MVB12B: variants seen among roughly 807,000 people sequenced by gnomAD.
MVB12B encodes multivesicular body subunit 12B, also known as ESCRT-I complex subunit MVB12B.
In MVB12B, 16 loss-of-function variants were observed where a neutral mutation model predicts 41.6. That is an observed-to-expected ratio of 0.38 (90% confidence interval 0.26 to 0.58). The LOEUF (loss-of-function observed/expected upper bound fraction) is 0.58, where lower values mean the gene tolerates loss of function less well. Among genes scored for constraint, MVB12B ranks in the 20% least tolerant of loss-of-function variants. The pLI is 0.62. For missense variants in MVB12B, 274 were observed against 380.2 expected (o/e 0.72, Z 2.32); for synonymous variants, 133 against 139.7 (o/e 0.95, Z 0.34).
intron 6 of MVB12B, among the ~76,000 whole-genome samples, chr9:126,415,844 A>G (rs1156818001): frequency 1.3e-5 from 2 of 152,182 alleles, no homozygotes; most frequent in Non-Finnish European, 2.9e-5. Flanking sequence ...AGGGCGCCAC[A>G]GGGAGGAGGC....
chr9:126,460,120 G>A (rs1019182571), intron 7 of MVB12B, among the ~76,000 whole-genome samples: 2 of 152,092 alleles, frequency 1.3e-5, no homozygotes, highest in Non-Finnish European at 2.9e-5. Context: ...TGTGCTCCCT[G>A]GCCGCTGGGC....
chr9:126,332,353 C>T (rs1262448129), intron 1 of MVB12B, among the ~76,000 whole-genome samples: 2 of 152,180 alleles, frequency 1.3e-5, no homozygotes, highest in East Asian at 1.9e-4. Context: ...GCTGTGCACT[C>T]TCCAGTCTCA....
intron 9 of MVB12B, among the ~76,000 whole-genome samples, chr9:126,488,798 C>T (rs1833673915): frequency 6.6e-6 from 1 of 152,250 alleles, no homozygotes; most frequent in Non-Finnish European, 1.5e-5. Flanking sequence ...CCAGCGTTAA[C>T]TGTCCTCACC....
At chr9:126,418,110 C>T in intron 6 of MVB12B, among the ~76,000 whole-genome samples, 1 of 151,098 alleles carries the variant, frequency 6.6e-6, no homozygotes, top group Non-Finnish European at 1.5e-5. Flanking sequence ...ACAGCTAAGC[C>T]AGCACCCTTG....
At chr9:126,402,578 G>T (rs745850353) in intron 6 of MVB12B, among the ~76,000 whole-genome samples, 1 of 152,290 alleles carries the variant, frequency 6.6e-6, no homozygotes, top group Admixed American at 6.5e-5. Flanking sequence ...GGAAATCAAG[G>T]CTGCAGTGAG....
At chr9:126,487,893 G>C (rs759641152) in intron 9 of MVB12B, among the ~76,000 whole-genome samples, 5 of 152,190 alleles carry the variant, frequency 3.3e-5, no homozygotes, top group Non-Finnish European at 7.3e-5. Context: ...ACCATAACAA[G>C]TATCGCTGCA....
chr9:126,468,928 G>A lies in MVB12B; in HGVS notation c.758-12441G>A, dbSNP rs1833256691. 6.6e-6 allele frequency among the ~76,000 whole-genome samples: 1 copy of A among 152,222 alleles called. No homozygotes were observed. The highest frequency in any genetic ancestry group is 2.1e-4 in the South Asian group (1 of 4,830). ...GAGACACAGAGCTCTAAGAATTGAT[G>A]TGGAAACACAGTCAATTGAAAAAAA... On this transcript the variant is annotated intron_variant, in intron 7 of 9. Coordinates refer to ENST00000361171, the MANE Select transcript of MVB12B (RefSeq NM_033446.3). The surrounding 1 kb of genome is among the most constrained non-coding windows in gnomAD (Gnocchi z 4.3).
intron 2 of MVB12B, among the ~76,000 whole-genome samples, chr9:126,343,537 A>G (rs1362022705): frequency 6.6e-6 from 1 of 152,238 alleles, no homozygotes; most frequent in Non-Finnish European, 1.5e-5. Context: ...AAGGGCATCA[A>G]GCTGGACATT....
rs961244116 is a variant in MVB12B, at chr9:126,453,454, G to T, written c.758-27915G>T. Among the ~76,000 whole-genome samples the T allele has an allele frequency of 2.0e-5, 3 of 152,286 alleles. No homozygotes were observed. In the South Asian group the frequency reaches 6.2e-4, roughly 32 times the overall value. ...TCTCCCTTCTCAAGTATGGAGTTTT[G>T]TTTTCATACCTGAGGTTGGAGGTCC... On this transcript the variant is annotated intron_variant, in intron 7 of 9. Transcript: ENST00000361171.
intron 7 of MVB12B, among the ~76,000 whole-genome samples, chr9:126,434,501 G>T (rs975892786): frequency 6.6e-6 from 1 of 152,228 alleles, no homozygotes. Context: ...AGGGAGTAAA[G>T]CTTGCCTCGG....
At chr9:126,443,588 T>C (rs1034955070) in intron 7 of MVB12B, among the ~76,000 whole-genome samples, 3 of 152,348 alleles carry the variant, frequency 2.0e-5, no homozygotes, top group South Asian at 4.1e-4. Context: ...AAAGAAAATA[T>C]CACAACCCCA....
chr9:126,346,025 G>T (rs902894457), intron 2 of MVB12B, among the ~76,000 whole-genome samples: 3 of 152,232 alleles, frequency 2.0e-5, no homozygotes, highest in Admixed American at 6.5e-5. Flanking sequence ...GAGAGATGAG[G>T]ATGGGCAGGT....
chr9:126,409,022 A>G (rs947940204), intron 6 of MVB12B, among the ~76,000 whole-genome samples: 2 of 151,966 alleles, frequency 1.3e-5, no homozygotes, highest in African/African-American at 4.8e-5. Flanking sequence ...CTTGCCTCAA[A>G]TCGGCCTTGT....
At position 126,469,336 on chromosome 9, in the gene MVB12B, G is replaced by A. The variant is rs1034695343; in HGVS notation, c.758-12033G>A. On this transcript the variant is annotated intron_variant, in intron 7 of 9. Coordinates refer to ENST00000361171, the MANE Select transcript of MVB12B (RefSeq NM_033446.3). ...GGATCAGCGGCTCCGGATTCAAGGG[G>A]TGCTTTGACTTAGCTATCCTATTGG... is the stretch of plus-strand genomic sequence containing the variant. Among the ~76,000 whole-genome samples the A allele has an allele frequency of 4.6e-5, 7 of 152,202 alleles. 1 individual carries two copies. In the South Asian group the frequency reaches 1.2e-3, roughly 27 times the overall value.
chr9:126,388,071 A>T (rs1251700577), intron 4 of MVB12B, among the ~76,000 whole-genome samples: 5 of 152,238 alleles, frequency 3.3e-5, no homozygotes, highest in African/African-American at 1.2e-4. Flanking sequence ...TGCACAGTTC[A>T]GTGGCTTTTA....
At chr9:126,400,969 A>G (rs188989200) in intron 6 of MVB12B, among the ~76,000 whole-genome samples, 148 of 152,254 alleles carry the variant, frequency 9.7e-4, no homozygotes, top group South Asian at 6.4e-3. Flanking sequence ...GTTTATGTGA[A>G]CATCCATCCT....
At position 126,468,250 on chromosome 9, in the gene MVB12B, C is replaced by T. The variant is rs1039936558; in HGVS notation, c.758-13119C>T. ...ACCATGCTGGTTACTTCCAAACTCA[C>T]CCTCACATCCCCGCCCGCCAGGCCT... On this transcript the variant is annotated intron_variant, in intron 7 of 9. Transcript: ENST00000361171. The surrounding 1 kb of genome is among the most constrained non-coding windows in gnomAD (Gnocchi z 4.3). Among the ~76,000 whole-genome samples, 2 of 152,170 alleles carry T rather than the reference C, an allele frequency of 1.3e-5. No individual in the cohort carries two copies. Among genetic ancestry groups the T allele is most frequent in the African/African-American group, 4.8e-5 (2 of 41,420 alleles).
At position 126,411,345 on chromosome 9, in the gene MVB12B, G is replaced by A. The variant is rs1292628327; in HGVS notation, c.663-10509G>A. On this transcript the variant is annotated intron_variant, in intron 6 of 9. Coordinates refer to ENST00000361171, the MANE Select transcript of MVB12B (RefSeq NM_033446.3). ...TAAATTCCTAAAGGGGAAGATACACGTTTCATTTGGTTTCTTAAACTGTCT... is the reference window on the plus strand; with the variant it reads ...TAAATTCCTAAAGGGGAAGATACACATTTCATTTGGTTTCTTAAACTGTCT... 2.6e-5 allele frequency among the ~76,000 whole-genome samples: 4 copies of A among 152,258 alleles called. No homozygotes were observed. The East Asian group carries it at 7.7e-4, about 29-fold the overall frequency.
rs1046895481 is a variant in MVB12B, at chr9:126,392,832, C to T, written c.539+637C>T. 2.1e-4 allele frequency among the ~76,000 whole-genome samples: 32 copies of T among 152,134 alleles called. No individual in the cohort carries two copies. The highest frequency in any genetic ancestry group is 1.7e-3 in the Admixed American group (26 of 15,274). On this transcript the variant is annotated intron_variant, in intron 5 of 9. Coordinates refer to ENST00000361171, the MANE Select transcript of MVB12B (RefSeq NM_033446.3). This position sits in a 1 kb window ranked among gnomAD's most constrained non-coding sequence, Gnocchi z 4.8. ...GAGAGAAGTGGGAATGAGCATGGCACGTTCTGGGAGCAGAACACAGCCCTG... is the reference window on the plus strand; with the variant it reads ...GAGAGAAGTGGGAATGAGCATGGCATGTTCTGGGAGCAGAACACAGCCCTG...
Sources: allele counts gnomAD v4.1 joint callset (sites outside exome capture counted in the v4.1 genomes callset), GRCh38; gene constraint gnomAD v4.1.1; non-coding constraint Gnocchi (gnomAD v3.1); transcripts MANE v1.5; gene names NCBI Gene and HGNC (gene_info 2026-07-23, HGNC 2026-07-21).